Variants in ADK observed in about 807,000 individuals in gnomAD.
ADK encodes the protein N6,N6-dimethyladenosine kinase.
ADK carries 24 observed loss-of-function variants against 44.7 expected under a neutral mutation model. That is an observed-to-expected ratio of 0.54 (90% CI 0.39 to 0.76). The LOEUF (loss-of-function observed/expected upper bound fraction) is 0.76. Among genes scored for constraint, ADK ranks in the 30% least tolerant of loss-of-function variants. ADK has a pLI of 0.00. For missense variants in ADK, 321 were observed against 425.1 expected (o/e 0.76, Z 2.15); for synonymous variants, 128 against 142.6 (o/e 0.90, Z 0.73).
intron 7 of ADK, 141 bp from the exon 8 acceptor site, chr10:74,589,141 G>T (rs1450045811): frequency 2.8e-6 from 2 of 720,556 alleles, no homozygotes; most frequent in East Asian, 5.5e-5. Context: ...AATCTTTATT[G>T]CTGTAAGAAT....
intron 4 of ADK, among the ~76,000 whole-genome samples, chr10:74,381,312 TAAATGGTAAATA>T (rs1842970903): frequency 6.6e-6 from 1 of 152,210 alleles, no homozygotes; most frequent in African/African-American, 2.4e-5. Context: ...AGATTTTTGC[TAAATGGTAAATA>T]AAATGGTAAA....
intron 9 of ADK, among the ~76,000 whole-genome samples, chr10:74,649,568 T>C (rs1271411770): frequency 1.3e-5 from 2 of 151,754 alleles, no homozygotes; most frequent in African/African-American, 2.4e-5. Flanking sequence ...GAGGCTGCAG[T>C]GAGTCTTGAT....
chr10:74,644,009 T>C (rs1380961481), intron 9 of ADK, among the ~76,000 whole-genome samples: 2 of 152,228 alleles, frequency 1.3e-5, no homozygotes, highest in African/African-American at 4.8e-5. Context: ...CTCTGTATTA[T>C]AGCCTGGTAA....
At chr10:74,207,151 G>T (rs1164431606) in intron 2 of ADK, among the ~76,000 whole-genome samples, 1 of 152,184 alleles carries the variant, frequency 6.6e-6, no homozygotes, top group Non-Finnish European at 1.5e-5. Context: ...GCTTGCGGCT[G>T]GATCTGATGC....
chr10:74,530,953 C>T (rs1050977693), intron 7 of ADK, among the ~76,000 whole-genome samples: 5 of 151,876 alleles, frequency 3.3e-5, no homozygotes, highest in African/African-American at 9.7e-5. Context: ...TCAAGTAGAC[C>T]CTTGCAGTCT....
In ADK at chr10:74,253,201, G is replaced by T. The variant is rs1440732845; in HGVS notation, c.194+28610G>T. On this transcript the variant is annotated intron_variant, in intron 3 of 10. Coordinates refer to ENST00000539909, the MANE Select transcript of ADK (RefSeq NM_006721.4). ...CAGGCAGTGTTACAGCTCTGGTGGT[G>T]TTATAGCTCGGTGACTGCTCCTGCA... Among the ~76,000 whole-genome samples the T allele has an allele frequency of 3.3e-5, 5 of 152,372 alleles. No homozygotes were observed. The East Asian group carries it at 9.6e-4, about 29-fold the overall frequency.
intron 9 of ADK, among the ~76,000 whole-genome samples, chr10:74,601,232 A>T (rs878888939): frequency 6.6e-6 from 1 of 152,080 alleles, no homozygotes; most frequent in Non-Finnish European, 1.5e-5. Flanking sequence ...GTTCTTATCT[A>T]TTGGTGCTAA....
At chr10:74,470,887 G>T (rs1398795660) in intron 6 of ADK, among the ~76,000 whole-genome samples, 1 of 151,808 alleles carries the variant, frequency 6.6e-6, no homozygotes, top group African/African-American at 2.4e-5. Flanking sequence ...TTTTTCTCCA[G>T]TGTTTTCTTC....
At chr10:74,628,635 A>C (rs1053351032) in intron 9 of ADK, among the ~76,000 whole-genome samples, 1 of 152,022 alleles carries the variant, frequency 6.6e-6, no homozygotes, top group Non-Finnish European at 1.5e-5. Context: ...AAGGGGTACA[A>C]CAACCTCATC....
chr10:74,675,801 A>G (rs1428600348), intron 10 of ADK, among the ~76,000 whole-genome samples: 1 of 152,214 alleles, frequency 6.6e-6, no homozygotes, highest in East Asian at 1.9e-4. Context: ...AAGAAAAATC[A>G]TAACAAATAA....
intron 7 of ADK, among the ~76,000 whole-genome samples, chr10:74,550,132 G>A (rs933164969): frequency 5.4e-5 from 8 of 148,338 alleles, no homozygotes; most frequent in South Asian, 4.3e-4. Context: ...GTGCAGTGGC[G>A]TGATCTTGGC....
At chr10:74,292,975 G>C (rs985093603) in intron 3 of ADK, among the ~76,000 whole-genome samples, 7 of 151,970 alleles carry the variant, frequency 4.6e-5, no homozygotes, top group African/African-American at 1.7e-4. Flanking sequence ...AAATAGTAAA[G>C]ATAGGAAGCC....
intron 3 of ADK, among the ~76,000 whole-genome samples, chr10:74,230,252 C>T (rs1045618950): frequency 1.6e-4 from 25 of 151,580 alleles, no homozygotes; most frequent in South Asian, 4.2e-4. Context: ...TCTCAGGGCC[C>T]GGTTTTTTTT....
At chr10:74,633,751 G>C (rs1373525066) in intron 9 of ADK, among the ~76,000 whole-genome samples, 2 of 152,228 alleles carry the variant, frequency 1.3e-5, no homozygotes, top group African/African-American at 4.8e-5. Context: ...AACTGAAGGA[G>C]AGTCTATACT....
intron 7 of ADK, among the ~76,000 whole-genome samples, chr10:74,531,933 G>A (rs925205074): frequency 3.3e-5 from 5 of 152,152 alleles, no homozygotes; most frequent in African/African-American, 1.2e-4. Flanking sequence ...CTTATTTCAT[G>A]AGGTCAGCAT....
At chr10:74,298,766 AAAACAAAAAC>A (rs1212765498) in intron 3 of ADK, among the ~76,000 whole-genome samples, 4 of 83,072 alleles carry the variant, frequency 4.8e-5, no homozygotes, top group African/African-American at 1.3e-4. Flanking sequence ...CAAAAAAACA[AAAACAAAAAC>A]AAACCAGAAT....
rs564009345 is a variant in ADK at position 74,372,157 on chromosome 10, C to T, written c.274-21984C>T. ...GATCTCTACAGAGATCCTAAAGAGACTGAAAAAGCAGAGCAGCCTGCTGCT... is the reference window on the plus strand; with the variant it reads ...GATCTCTACAGAGATCCTAAAGAGATTGAAAAAGCAGAGCAGCCTGCTGCT... On this transcript the variant is annotated intron_variant, in intron 4 of 10. Coordinates refer to ENST00000539909, the MANE Select transcript of ADK (RefSeq NM_006721.4). 163 of 753,034 alleles carry T rather than the reference C, an allele frequency of 2.2e-4. No homozygotes were observed. In the African/African-American group the frequency reaches 2.2e-3, roughly 10 times the overall value. 46.6% of individuals were successfully genotyped at this position (753,034 alleles called of 1,614,324 possible). A position where few individuals can be genotyped will look rare whatever the true frequency, so the allele number is the denominator to read the frequency against.
chr10:74,627,119 T>C (rs920757636), intron 9 of ADK, among the ~76,000 whole-genome samples: 8 of 152,150 alleles, frequency 5.3e-5, no homozygotes, highest in African/African-American at 1.7e-4. Context: ...TAGGCCCTCA[T>C]AGCATATATA....
Position 74,446,550 on chromosome 10 carries a change from C to G in ADK, c.555+47971C>G, listed in dbSNP as rs145586429. ...CTGTATACGATAAGCAGCTGGGAAC[C>G]ATAAAATCCTTTTAAGAAGTATTGT... is the stretch of plus-strand genomic sequence containing the variant. On this transcript the variant is annotated intron_variant, in intron 6 of 10. Coordinates refer to ENST00000539909, the MANE Select transcript of ADK (RefSeq NM_006721.4). 5.2e-3 allele frequency among the ~76,000 whole-genome samples: 787 copies of G among 152,114 alleles called. 5 individuals carry two copies. The highest frequency in any genetic ancestry group is 0.018 in the African/African-American group (743 of 41,524).
Sources: allele counts gnomAD v4.1 joint callset (sites outside exome capture counted in the v4.1 genomes callset), GRCh38; gene constraint gnomAD v4.1.1; transcripts MANE v1.5; gene names NCBI Gene and HGNC (gene_info 2026-07-23, HGNC 2026-07-21).